Variants in NRXN1 observed in about 807,000 individuals in gnomAD.
NRXN1 encodes neurexin-1.
In NRXN1, 39 loss-of-function variants were observed where a neutral mutation model predicts 150.9. The observed-to-expected ratio is 0.26, with a 90% CI of 0.20 to 0.34. NRXN1 has a LOEUF of 0.34. NRXN1 is among the 10% of genes least tolerant of loss of function. NRXN1 has a pLI of 1.00. For synonymous variants in NRXN1, 924 were observed against 757.0 expected (o/e 1.22, Z -3.62); for missense variants, 1,815 against 1,949.9 (o/e 0.93, Z 1.30).
chr2:50,601,200 T>C (rs1021508106), intron 8 of NRXN1, among the ~76,000 whole-genome samples: 4 of 152,192 alleles, frequency 2.6e-5, no homozygotes, highest in Non-Finnish European at 4.4e-5. Context: ...TTTTCTAGTG[T>C]TAACATTTTA....
At chr2:50,039,568 C>T (rs982560705) in intron 21 of NRXN1, among the ~76,000 whole-genome samples, 2 of 152,186 alleles carry the variant, frequency 1.3e-5, no homozygotes, top group African/African-American at 4.8e-5. Flanking sequence ...TATATGCCTG[C>T]TACTTCCAAA....
intron 9 of NRXN1, among the ~76,000 whole-genome samples, chr2:50,545,010 G>C (rs553813435): frequency 5.9e-5 from 9 of 152,236 alleles, no homozygotes; most frequent in African/African-American, 1.9e-4. Context: ...GGCTGTATAA[G>C]TATTTTATGT....
At chr2:50,329,617 G>GTGTATGTA in intron 17 of NRXN1, among the ~76,000 whole-genome samples, 1 of 13,990 alleles carries the variant, frequency 7.1e-5, no homozygotes, top group African/African-American at 1.8e-4. Flanking sequence ...GTGTGTGTGT[G>GTGTATGTA]TATATATATA....
At chr2:50,786,056 A>G (rs1361784510) in intron 5 of NRXN1, among the ~76,000 whole-genome samples, 1 of 152,066 alleles carries the variant, frequency 6.6e-6, no homozygotes. Flanking sequence ...TGGGAGGAAG[A>G]GATGTCAGGA....
At chr2:50,055,670 T>C (rs1033922967) in intron 19 of NRXN1, among the ~76,000 whole-genome samples, 2 of 152,222 alleles carry the variant, frequency 1.3e-5, no homozygotes, top group Non-Finnish European at 2.9e-5. Context: ...TCTTGCATCA[T>C]CCAGATACGT....
At chr2:50,973,597 G>C (rs1243874470) in intron 2 of NRXN1, among the ~76,000 whole-genome samples, 1 of 151,988 alleles carries the variant, frequency 6.6e-6, no homozygotes, top group East Asian at 1.9e-4. Flanking sequence ...TACATATAGA[G>C]TATATGTATA....
intron 17 of NRXN1, among the ~76,000 whole-genome samples, chr2:50,386,273 A>G (rs1018553586): frequency 3.9e-5 from 6 of 152,140 alleles, no homozygotes; most frequent in Non-Finnish European, 7.4e-5. Flanking sequence ...TCTGCACTTA[A>G]GGTTTAAAAG....
chr2:50,050,646 G>A (rs979010801), intron 21 of NRXN1, among the ~76,000 whole-genome samples: 1 of 151,936 alleles, frequency 6.6e-6, no homozygotes, highest in African/African-American at 2.4e-5. Flanking sequence ...ATTAACATTA[G>A]AAATTTATCT....
intron 18 of NRXN1, among the ~76,000 whole-genome samples, chr2:50,175,969 T>C (rs1012899175): frequency 6.6e-6 from 1 of 152,072 alleles, no homozygotes; most frequent in East Asian, 1.9e-4. Context: ...CAAATACTGT[T>C]AGGCAGGGAG....
chr2:49,940,538 G>A (rs1671801492), intron 22 of NRXN1, among the ~76,000 whole-genome samples: 1 of 152,100 alleles, frequency 6.6e-6, no homozygotes, highest in African/African-American at 2.4e-5. Flanking sequence ...AGCCCATGAT[G>A]AAACATTATT....
At chr2:50,922,926 C>T (rs1384565565) in intron 3 of NRXN1, among the ~76,000 whole-genome samples, 2 of 151,868 alleles carry the variant, frequency 1.3e-5, no homozygotes, top group East Asian at 1.9e-4. Context: ...TTCCATGCAT[C>T]AGTTGGAACA....
At chr2:50,278,964 T>C (rs2071039113) in intron 17 of NRXN1, among the ~76,000 whole-genome samples, 1 of 152,224 alleles carries the variant, frequency 6.6e-6, no homozygotes. Flanking sequence ...GACATGCTTA[T>C]CCAATTATAT....
At chr2:50,262,545 T>C (rs565712890) in intron 17 of NRXN1, among the ~76,000 whole-genome samples, 1 of 152,096 alleles carries the variant, frequency 6.6e-6, no homozygotes, top group Admixed American at 6.6e-5. Flanking sequence ...CTGATTTGTT[T>C]TGTGAATACA....
chr2:50,305,964 C>T (rs376051031), intron 17 of NRXN1, among the ~76,000 whole-genome samples: 258 of 152,240 alleles, frequency 1.7e-3, no homozygotes, highest in African/African-American at 5.6e-3. Flanking sequence ...GCTGAATTGG[C>T]CCCCACCTGT....
chr2:50,211,968 G>C (rs1202495723), intron 18 of NRXN1, among the ~76,000 whole-genome samples: 1 of 151,448 alleles, frequency 6.6e-6, no homozygotes, highest in African/African-American at 2.4e-5. Context: ...CTCATTCATG[G>C]GAGCAAATCA....
chr2:50,942,106 G>T (rs549624774), intron 2 of NRXN1, among the ~76,000 whole-genome samples: 1 of 152,178 alleles, frequency 6.6e-6, no homozygotes, highest in African/African-American at 2.4e-5. Flanking sequence ...ACAGGCCATG[G>T]CTTCAAAGGA....
intron 21 of NRXN1, among the ~76,000 whole-genome samples, chr2:49,957,140 G>A (rs1032016820): frequency 2.0e-5 from 3 of 152,150 alleles, no homozygotes; most frequent in African/African-American, 7.2e-5. Context: ...GAGCATGAAT[G>A]TTGGAGCTGA....
At chr2:50,647,260 G>A (rs1684963211) in intron 5 of NRXN1, among the ~76,000 whole-genome samples, 1 of 151,758 alleles carries the variant, frequency 6.6e-6, no homozygotes, top group Non-Finnish European at 1.5e-5. Flanking sequence ...CCACTTTTGA[G>A]GGCCTCATAT....
At chr2:50,575,052 T>C (rs1671202680) in intron 8 of NRXN1, among the ~76,000 whole-genome samples, 2 of 152,192 alleles carry the variant, frequency 1.3e-5, no homozygotes, top group Admixed American at 1.3e-4. Context: ...TATTGCCACG[T>C]GAGGTGGAAA....
Sources: gnomAD v4.1 joint callset for allele counts (sites outside exome capture counted in the v4.1 genomes callset) on GRCh38, gnomAD v4.1.1 for gene constraint, MANE v1.5 for transcripts, NCBI Gene and HGNC (gene_info 2026-07-23, HGNC 2026-07-21) for gene names.